WDR33: variants seen among roughly 807,000 people sequenced by gnomAD.
WDR33 encodes pre-mRNA 3' end processing protein WDR33.
In WDR33, 47 loss-of-function variants were observed where a neutral mutation model predicts 164.9. The observed-to-expected ratio is 0.29, with a 90% CI of 0.23 to 0.36. The LOEUF (loss-of-function observed/expected upper bound fraction) is 0.36. Ranked by LOEUF, WDR33 falls within the 10% of genes least tolerant of loss-of-function variation. WDR33 has a pLI of 1.00. For synonymous variants in WDR33, 505 were observed against 589.0 expected, an observed-to-expected ratio of 0.86 and a Z score of 2.06; for missense variants, 1,137 against 1,754.1, an observed-to-expected ratio of 0.65 and a Z score of 6.28.
rs777910385 is a variant in WDR33 at position 127,701,554 on chromosome 2, A to T, written c.*4769T>A. ...ATGGCGGACCTCCACCGCCAGCTGC[A>T]GGAGTACCTGGCGCAGGGGAAAGCT... On this transcript the variant is annotated 3_prime_UTR_variant, in exon 22 of 22. Coordinates refer to ENST00000322313, the MANE Select transcript of WDR33 (RefSeq NM_018383.5). 8 of 1,365,052 alleles carry T rather than the reference A, an allele frequency of 5.9e-6. No homozygotes were observed. The highest frequency in any genetic ancestry group is 1.5e-5 in the African/African-American group (1 of 66,002). 84.6% of individuals were successfully genotyped at this position (1,365,052 alleles called of 1,614,324 possible). A position where few individuals can be genotyped will look rare whatever the true frequency, so the allele number is the denominator to read the frequency against.
chr2:127,797,158 T>G (rs547810082), intron 1 of WDR33, among the ~76,000 whole-genome samples: 8 of 151,974 alleles, frequency 5.3e-5, no homozygotes, highest in African/African-American at 1.9e-4. Flanking sequence ...TTATACCTTT[T>G]AGCTACAAAA....
intron 1 of WDR33, among the ~76,000 whole-genome samples, chr2:127,799,418 C>T (rs1196391505): frequency 6.6e-6 from 1 of 152,076 alleles, no homozygotes; most frequent in Non-Finnish European, 1.5e-5. Context: ...CCAGAATACA[C>T]GAAGAACTCT....
chr2:127,806,559 A>T (rs1339796860), intron 1 of WDR33, among the ~76,000 whole-genome samples: 1 of 152,002 alleles, frequency 6.6e-6, no homozygotes, highest in African/African-American at 2.4e-5. Context: ...TTTAAAGTAA[A>T]ACCAGCCCAG....
Position 127,735,092 on chromosome 2 carries a change from G to C in WDR33, c.725-8315C>G, listed in dbSNP as rs1400803365. 3.3e-5 allele frequency among the ~76,000 whole-genome samples: 5 copies of C among 152,314 alleles called. No individual in the cohort carries two copies. The highest frequency in any genetic ancestry group is 3.3e-4 in the Admixed American group (5 of 15,296). On this transcript the variant is annotated intron_variant, in intron 7 of 21. Coordinates refer to ENST00000322313, the MANE Select transcript of WDR33 (RefSeq NM_018383.5). The surrounding 1 kb of genome is among the most constrained non-coding windows in gnomAD (Gnocchi z 4.3). Reference sequence around the variant, plus strand: ...GCTTTGTAGATAGTGAAGACTTCTTGTTCATTATTCCCTGTCCCAGAACCG... The same window carrying C: ...GCTTTGTAGATAGTGAAGACTTCTTCTTCATTATTCCCTGTCCCAGAACCG...
rs199979127 is a variant in WDR33 at position 127,765,147 on chromosome 2, A to G, written c.474+27T>C. The G allele has an allele frequency of 2.0e-4, 322 of 1,599,690 alleles. No homozygotes were observed. The African/African-American group carries it at 4.0e-3, about 20-fold the overall frequency. ...AAGTTCTTTACAGTACCACAGGATGATGATACCATCTGGTGATTATCATTA... is the reference window on the plus strand; with the variant it reads ...AAGTTCTTTACAGTACCACAGGATGGTGATACCATCTGGTGATTATCATTA... On this transcript the variant is annotated intron_variant, in intron 5 of 21. Transcript: ENST00000322313.
In WDR33 at chr2:127,722,018, C is replaced by T. The variant is rs111504277; in HGVS notation, c.1519-30G>A. The T allele has an allele frequency of 4.2e-5, 67 of 1,601,326 alleles. No individual in the cohort carries two copies. Among genetic ancestry groups the T allele is most frequent in the African/African-American group, 1.8e-4 (13 of 73,800 alleles). On this transcript the variant is annotated intron_variant, in intron 14 of 21. Transcript: ENST00000322313. This position sits in a 1 kb window ranked among gnomAD's most constrained non-coding sequence, Gnocchi z 5.1. Reference sequence around the variant, plus strand: ...GGAAAGAAGAGAATATTAAAATGTACGCTAAGTATGAAAATTACAATGATA... The same window carrying T: ...GGAAAGAAGAGAATATTAAAATGTATGCTAAGTATGAAAATTACAATGATA...
chr2:127,769,477 A>C (rs897788204), intron 2 of WDR33, among the ~76,000 whole-genome samples: 1 of 152,090 alleles, frequency 6.6e-6, no homozygotes, highest in Admixed American at 6.6e-5. Context: ...TCATGTTATC[A>C]TATTAGTCCC....
chr2:127,781,825 C>T (rs1417096888), intron 1 of WDR33, among the ~76,000 whole-genome samples: 1 of 151,360 alleles, frequency 6.6e-6, no homozygotes, highest in Non-Finnish European at 1.5e-5. Flanking sequence ...ATGGAGAAAC[C>T]CCGTCTCTAC....
At chr2:127,785,832 C>T (rs1219271455) in intron 1 of WDR33, among the ~76,000 whole-genome samples, 2 of 152,110 alleles carry the variant, frequency 1.3e-5, no homozygotes. Flanking sequence ...TCATGTGACT[C>T]AAGGAGCCAG....
Position 127,735,340 on chromosome 2 carries a change from T to C in WDR33, c.725-8563A>G, listed in dbSNP as rs1024163997. 48 of 981,678 alleles carry C rather than the reference T, an allele frequency of 4.9e-5. No individual in the cohort carries two copies. The highest frequency in any genetic ancestry group is 5.4e-5 in the Non-Finnish European group (45 of 826,430). The allele number at this position is 981,678 out of a possible 1,614,324, so 60.8% of individuals were successfully genotyped here. A position where few individuals can be genotyped will look rare whatever the true frequency, so the allele number is the denominator to read the frequency against. On this transcript the variant is annotated intron_variant, in intron 7 of 21. Transcript: ENST00000322313. This position sits in a 1 kb window ranked among gnomAD's most constrained non-coding sequence, Gnocchi z 4.3. ...CCCCAAGCCCCTAAATAACCTGTCT[T>C]GAGACAGTCCATAGGATCCCAAAGC...
At chr2:127,736,298 G>T in intron 7 of WDR33, 1 of 985,386 alleles carries the variant, frequency 1.0e-6, no homozygotes, top group Non-Finnish European at 1.2e-6. Context: ...AGAGGAGACT[G>T]GGGAAGGGCA....
Position 127,723,081 on chromosome 2 carries a change from T to A in WDR33, c.1292-37A>T. The A allele has an allele frequency of 6.4e-7, 1 of 1,550,544 alleles. No homozygotes were observed. On this transcript the variant is annotated intron_variant, in intron 12 of 21. Coordinates refer to ENST00000322313, the MANE Select transcript of WDR33 (RefSeq NM_018383.5). The surrounding 1 kb of genome is among the most constrained non-coding windows in gnomAD (Gnocchi z 5.9). ...AATACACCATTGTCAATAGAGAATT[T>A]ACAAAAGTAGCGACTGATAAAATTA...
In WDR33 at chr2:127,709,020, C is replaced by G; in HGVS notation, c.3566-128G>C. 1.9e-6 allele frequency: 2 copies of G among 1,036,214 alleles called. No homozygotes were observed. The highest frequency in any genetic ancestry group is 2.6e-6 in the Non-Finnish European group (2 of 755,936). 64.2% of individuals were successfully genotyped at this position (1,036,214 alleles called of 1,614,324 possible). A position where few individuals can be genotyped will look rare whatever the true frequency, so the allele number is the denominator to read the frequency against. On this transcript the variant is annotated intron_variant, in intron 20 of 21. Transcript: ENST00000322313. This position sits in a 1 kb window ranked among gnomAD's most constrained non-coding sequence, Gnocchi z 5.0. ...CTCATGCTGAATGCCCGCCAGAGGCCAAAGGGTAAGCCACCCAGACATCAG... is the reference window on the plus strand; with the variant it reads ...CTCATGCTGAATGCCCGCCAGAGGCGAAAGGGTAAGCCACCCAGACATCAG...
rs773310433 is a variant in WDR33 at position 127,722,745 on chromosome 2, A to G, written c.1379-15T>C. The G allele has an allele frequency of 6.2e-7, 1 of 1,611,576 alleles. No homozygotes were observed. The highest frequency in any genetic ancestry group is 2.2e-5 in the East Asian group (1 of 44,850). ...TTCATCTTTCCCTGTAACCGTAAAG[A>G]AAAGTGGTTTGCCTCTTAAATAAAA... On this transcript the variant is annotated splice_polypyrimidine_tract_variant and intron_variant, in intron 13 of 21. Transcript: ENST00000322313. This position sits in a 1 kb window ranked among gnomAD's most constrained non-coding sequence, Gnocchi z 5.1.
At chr2:127,772,080 T>C (rs1366038200) in intron 1 of WDR33, among the ~76,000 whole-genome samples, 1 of 152,072 alleles carries the variant, frequency 6.6e-6, no homozygotes, top group African/African-American at 2.4e-5. Flanking sequence ...CCTCACACTT[T>C]GGCCTCCTAA....
rs1479299144 is a variant in WDR33, at chr2:127,705,979, A to G, written c.*344T>C. 3.8e-6 allele frequency: 1 copy of G among 261,836 alleles called. No homozygotes were observed. The highest frequency in any genetic ancestry group is 6.8e-5 in the East Asian group (1 of 14,744). 16.2% of individuals were successfully genotyped at this position (261,836 alleles called of 1,614,324 possible). On this transcript the variant is annotated 3_prime_UTR_variant, in exon 22 of 22. Coordinates refer to ENST00000322313, the MANE Select transcript of WDR33 (RefSeq NM_018383.5). The surrounding 1 kb of genome is among the most constrained non-coding windows in gnomAD (Gnocchi z 4.5). Reference sequence around the variant, plus strand: ...ACAAAAACTTTGTTTTTCTCTGACAAACTGTACACATAGAAACAAATTTCC... The same window carrying G: ...ACAAAAACTTTGTTTTTCTCTGACAGACTGTACACATAGAAACAAATTTCC...
Position 127,724,968 on chromosome 2 carries a change from G to A in WDR33, c.1007-3C>T. ...ATGAACAGGATGCCAGGCCACAGCT[G>A]CAGAACAAAAACATGGGAAAAGACA... On this transcript the variant is annotated splice_region_variant and splice_polypyrimidine_tract_variant and intron_variant, in intron 9 of 21. Transcript: ENST00000322313. The surrounding 1 kb of genome is among the most constrained non-coding windows in gnomAD (Gnocchi z 4.8). The A allele has an allele frequency of 2.5e-6, 4 of 1,614,192 alleles. No individual in the cohort carries two copies. Among genetic ancestry groups the A allele is most frequent in the Non-Finnish European group, 3.4e-6 (4 of 1,180,026 alleles).
At chr2:127,733,421 A>G (rs894244136) in intron 7 of WDR33, among the ~76,000 whole-genome samples, 1 of 152,218 alleles carries the variant, frequency 6.6e-6, no homozygotes, top group African/African-American at 2.4e-5. Flanking sequence ...TTGGAGGTAC[A>G]ATTGCAAAAT....
At chr2:127,762,062 C>A (rs1342076962) in intron 7 of WDR33, among the ~76,000 whole-genome samples, 1 of 152,108 alleles carries the variant, frequency 6.6e-6, no homozygotes, top group Non-Finnish European at 1.5e-5. Context: ...ACGATTCAAC[C>A]AAGACAACGA....
Sources: allele counts gnomAD v4.1 joint callset (sites outside exome capture counted in the v4.1 genomes callset), GRCh38; gene constraint gnomAD v4.1.1; non-coding constraint Gnocchi (gnomAD v3.1); transcripts MANE v1.5; gene names NCBI Gene and HGNC (gene_info 2026-07-23, HGNC 2026-07-21).